DIS3L2: variants seen among roughly 807,000 people sequenced by gnomAD.
DIS3L2 encodes the protein DIS3-like exonuclease 2.
Under a neutral mutation model 97.5 loss-of-function variants are expected in DIS3L2, and 34 were observed. The observed-to-expected ratio is 0.35, with a 90% CI of 0.27 to 0.46. DIS3L2 has a LOEUF of 0.46. DIS3L2 is among the 20% of genes least tolerant of loss of function. The pLI is 1.00. For synonymous variants in DIS3L2, 435 were observed against 445.2 expected (o/e 0.98, Z 0.29); for missense variants, 1,038 against 1,146.0 (o/e 0.91, Z 1.36).
At chr2:232,168,480 T>C (rs1690889670) in intron 9 of DIS3L2, among the ~76,000 whole-genome samples, 1 of 142,230 alleles carries the variant, frequency 7.0e-6, no homozygotes, top group African/African-American at 2.7e-5. Context: ...ATATGGACTT[T>C]GCAGTAATCT....
At chr2:232,165,089 G>A (rs544658783) in intron 9 of DIS3L2, among the ~76,000 whole-genome samples, 8 of 152,162 alleles carry the variant, frequency 5.3e-5, no homozygotes, top group African/African-American at 9.7e-5. Context: ...AAAAATATAT[G>A]TACAAGAATG....
At chr2:232,311,609 C>T (rs1394337677) in intron 14 of DIS3L2, among the ~76,000 whole-genome samples, 4 of 152,132 alleles carry the variant, frequency 2.6e-5, no homozygotes, top group African/African-American at 9.7e-5. Flanking sequence ...CTTCCAGGAG[C>T]CTCCCATGTG....
intron 11 of DIS3L2, among the ~76,000 whole-genome samples, chr2:232,243,943 C>G (rs909789076): frequency 6.6e-6 from 1 of 152,154 alleles, no homozygotes; most frequent in Non-Finnish European, 1.5e-5. Context: ...ACAGGACATG[C>G]AAAAGTCCAT....
At chr2:232,200,344 G>A (rs972743320) in intron 9 of DIS3L2, among the ~76,000 whole-genome samples, 1 of 152,128 alleles carries the variant, frequency 6.6e-6, no homozygotes, top group Non-Finnish European at 1.5e-5. Context: ...AGGGCCTGGA[G>A]GCAATGAGCA....
intron 10 of DIS3L2, among the ~76,000 whole-genome samples, chr2:232,223,880 G>A (rs1337108593): frequency 6.6e-6 from 1 of 152,166 alleles, no homozygotes; most frequent in Non-Finnish European, 1.5e-5. Flanking sequence ...TTGAGTCCAG[G>A]AATTTGAGAC....
At chr2:231,987,337 A>G (rs571251522) in intron 1 of DIS3L2, among the ~76,000 whole-genome samples, 9 of 152,382 alleles carry the variant, frequency 5.9e-5, no homozygotes, top group African/African-American at 2.2e-4. Context: ...CTGAAGTAAT[A>G]TGAAATACAT....
intron 12 of DIS3L2, among the ~76,000 whole-genome samples, chr2:232,251,005 T>A (rs1233634203): frequency 6.6e-6 from 1 of 152,218 alleles, no homozygotes; most frequent in Non-Finnish European, 1.5e-5. Context: ...TTCATTTCCA[T>A]ATATGAAGAG....
At chr2:232,138,868 T>C (rs1698432562) in intron 8 of DIS3L2, among the ~76,000 whole-genome samples, 1 of 152,226 alleles carries the variant, frequency 6.6e-6, no homozygotes, top group African/African-American at 2.4e-5. Context: ...CCTTTGCCTA[T>C]GTAATTGCTT....
chr2:232,006,509 C>G (rs966958700), intron 1 of DIS3L2, among the ~76,000 whole-genome samples: 1 of 152,028 alleles, frequency 6.6e-6, no homozygotes, highest in African/African-American at 2.4e-5. Flanking sequence ...ATGTAGTATG[C>G]AGGTGGAAAA....
chr2:232,249,392 C>T (rs759857895), intron 12 of DIS3L2, 46 bp downstream of exon 12: 8 of 1,579,858 alleles, frequency 5.1e-6, no homozygotes, highest in Non-Finnish European at 6.9e-6. Flanking sequence ...CTTTTCTGTT[C>T]CATGAGTCAT....
intron 17 of DIS3L2, 91 bp from the exon 18 acceptor site, chr2:232,334,278 C>CGG: frequency 2.1e-6 from 3 of 1,462,214 alleles, no homozygotes; most frequent in Non-Finnish European, 2.8e-6. Flanking sequence ...AATCTGTCGG[C>CGG]GGGGGTGCAG....
At chr2:232,291,852 G>A (rs145115325) in intron 13 of DIS3L2, among the ~76,000 whole-genome samples, 89 of 152,336 alleles carry the variant, frequency 5.8e-4, no homozygotes, top group Non-Finnish European at 1.0e-3. Context: ...GAGGTATTGC[G>A]AACAAAACAG....
chr2:231,966,544 A>G (rs181554568), intron 1 of DIS3L2, among the ~76,000 whole-genome samples: 71 of 151,244 alleles, frequency 4.7e-4, no homozygotes, highest in African/African-American at 1.5e-3. Context: ...AGCTCACTGT[A>G]ACCTTGAACT....
In DIS3L2 at chr2:232,196,484, A is replaced by G. The variant is rs559976949; in HGVS notation, c.1125-13842A>G. ...AGTATCTTTCCACATCATCATCTTA[A>G]TAAAAAACATTCATTTTGAGAATAC... On this transcript the variant is annotated intron_variant, in intron 9 of 20. Coordinates refer to ENST00000325385, the MANE Select transcript of DIS3L2 (RefSeq NM_152383.5). Among the ~76,000 whole-genome samples, 10 of 152,256 alleles carry G rather than the reference A, an allele frequency of 6.6e-5. No homozygotes were observed. In the South Asian group the frequency reaches 2.1e-3, roughly 32 times the overall value.
chr2:232,217,723 C>T (rs190598843), intron 10 of DIS3L2, among the ~76,000 whole-genome samples: 4 of 152,214 alleles, frequency 2.6e-5, no homozygotes, highest in African/African-American at 7.2e-5. Flanking sequence ...TTGCCTAGGG[C>T]GAGGTATGGG....
intron 2 of DIS3L2, 98 bp from the exon 3 acceptor site, chr2:232,015,416 G>A (rs1694324625): frequency 6.8e-7 from 1 of 1,462,668 alleles, no homozygotes; most frequent in Non-Finnish European, 9.1e-7. Context: ...TCTCTTGTTG[G>A]TCTCTTTAAA....
chr2:232,206,284 T>C (rs1046576410), intron 9 of DIS3L2, among the ~76,000 whole-genome samples: 50 of 152,330 alleles, frequency 3.3e-4, no homozygotes, highest in South Asian at 4.1e-4. Context: ...TCATAAGATC[T>C]TTTTTAAAAA....
intron 1 of DIS3L2, among the ~76,000 whole-genome samples, chr2:231,979,807 A>G (rs1453307433): frequency 6.6e-6 from 1 of 151,920 alleles, no homozygotes; most frequent in Admixed American, 6.6e-5. Context: ...CAATCTCCTG[A>G]CCTTGTGATC....
chr2:232,025,838 A>G (rs1171162085), intron 4 of DIS3L2, among the ~76,000 whole-genome samples: 1 of 152,172 alleles, frequency 6.6e-6, no homozygotes, highest in African/African-American at 2.4e-5. Context: ...TTTTTCCCAT[A>G]AGAAAGCATG....
Sources: allele counts gnomAD v4.1 joint callset (sites outside exome capture counted in the v4.1 genomes callset), GRCh38; gene constraint gnomAD v4.1.1; transcripts MANE v1.5; gene names NCBI Gene and HGNC (gene_info 2026-07-23, HGNC 2026-07-21).